The following CCDC187 variants were observed in gnomAD, a reference collection of about 807,000 sequenced individuals.
CCDC187 encodes coiled-coil domain containing 187.
In CCDC187, 32 loss-of-function variants were observed where a neutral mutation model predicts 38.0. That is an observed-to-expected ratio of 0.84 (90% CI 0.64 to 1.13). The LOEUF (loss-of-function observed/expected upper bound fraction) is 1.13, where lower values mean the gene tolerates loss of function less well. CCDC187 is among the 50% of genes most tolerant of loss of function. The pLI, the probability that CCDC187 is intolerant of heterozygous loss-of-function variation, is 0.00. For missense variants in CCDC187, 707 were observed against 786.8 expected (o/e 0.90, Z 1.21); for synonymous variants, 333 against 347.9 (o/e 0.96, Z 0.48).
rs782656681 is a variant in CCDC187, at chr9:136,263,721, G to A, written c.3813C>T (p.Asp1271=). ...DRKLLLQHQR[D]VVSMPGPVDI... is the part of the protein sequence containing the mutation. ...CCACAGGCCCCGGCATGGAGACGAC[G>A]TCCCTCTGATGCTGCAGAAGCAGCT... Residue 1271 remains aspartate (D), a synonymous_variant, in exon 18 of 26, where the codon GAC becomes GAT. Transcript: ENST00000638797. 1.4e-4 allele frequency: 140 copies of A among 985,354 alleles called. No homozygotes were observed. Among genetic ancestry groups the A allele is most frequent in the African/African-American group, 7.9e-4 (45 of 57,254 alleles). The allele number at this position is 985,354 out of a possible 1,614,324, so 61.0% of individuals were successfully genotyped here.
chr9:136,283,255 A>AAAAAC lies in CCDC187; in HGVS notation c.2928-1597_2928-1593dup, dbSNP rs1291121000. Among the ~76,000 whole-genome samples, 606 of 152,314 alleles carry AAAAAC rather than the reference A, an allele frequency of 4.0e-3. 6 individuals carry two copies. Among genetic ancestry groups the AAAAAC allele is most frequent in the South Asian group, 0.021 (99 of 4,824 alleles). ...CAGAGCAAGACTCCATCTCAAAAATAAAAACAAAACAAAACAAAAAAGAAA... is the reference window on the plus strand; with the variant it reads ...CAGAGCAAGACTCCATCTCAAAAATAAAAACAAAACAAAACAAAACAAAAAAGAAA... On this transcript the variant is annotated intron_variant, in intron 9 of 25. Transcript: ENST00000638797.
intron 8 of CCDC187, 71 bp downstream of exon 8, chr9:136,286,014 G>T (rs979880552): frequency 7.0e-5 from 28 of 397,618 alleles, no homozygotes; most frequent in Non-Finnish European, 1.2e-4. Flanking sequence ...AGAAAATGGG[G>T]TCCCCATTCC....
In CCDC187 at chr9:136,290,485, C is replaced by T. The variant is rs1261594806; in HGVS notation, c.2127+1G>A. 1 of 398,456 alleles carries T rather than the reference C, an allele frequency of 2.5e-6. No homozygotes were observed. Among genetic ancestry groups the T allele is most frequent in the Non-Finnish European group, 4.4e-6 (1 of 225,982 alleles). 24.7% of individuals were successfully genotyped at this position (398,456 alleles called of 1,614,324 possible). A position where few individuals can be genotyped will look rare whatever the true frequency, so the allele number is the denominator to read the frequency against. ...CCCCCCAACCCAACCCCAGCATGTACCCCGGACTGTGCAGAACTGGGGACA... is the reference window on the plus strand; with the variant it reads ...CCCCCCAACCCAACCCCAGCATGTATCCCGGACTGTGCAGAACTGGGGACA... On this transcript the variant is annotated splice_donor_variant, in intron 6 of 25. Transcript: ENST00000638797. LOFTEE classifies it high-confidence loss of function.
intron 17 of CCDC187, among the ~76,000 whole-genome samples, chr9:136,265,321 G>A (rs1472219936): frequency 1.3e-5 from 2 of 152,132 alleles, no homozygotes; most frequent in Non-Finnish European, 2.9e-5. Flanking sequence ...GCTTCCTCCA[G>A]TCCCTGGTGA....
intron 15 of CCDC187, chr9:136,267,814 C>A (rs1256827411): frequency 2.0e-6 from 2 of 980,060 alleles, no homozygotes; most frequent in African/African-American, 1.7e-5. Flanking sequence ...GGGGGCTAAC[C>A]CTGCCCAAAG....
At chr9:136,285,390 G>T in intron 9 of CCDC187, 123 bp downstream of exon 9, 1 of 342,328 alleles carries the variant, frequency 2.9e-6, no homozygotes, top group South Asian at 1.0e-4. Flanking sequence ...GGGGACACAT[G>T]GGGGTGAAGT....
At chr9:136,274,008 A>G (rs1279064497) in intron 14 of CCDC187, among the ~76,000 whole-genome samples, 1 of 152,208 alleles carries the variant, frequency 6.6e-6, no homozygotes, top group Non-Finnish European at 1.5e-5. Flanking sequence ...AGTCTGGACC[A>G]GGTTTCTGTG....
chr9:136,284,409 C>T (rs962745660), intron 9 of CCDC187, among the ~76,000 whole-genome samples: 4 of 152,182 alleles, frequency 2.6e-5, no homozygotes, highest in Admixed American at 6.5e-5. Context: ...GAGAGACCGC[C>T]GCCGGCCTGG....
chr9:136,282,008 C>T (rs975929765), intron 9 of CCDC187, among the ~76,000 whole-genome samples: 40 of 152,176 alleles, frequency 2.6e-4, no homozygotes, highest in Non-Finnish European at 4.6e-4. Flanking sequence ...GCTCTGCACT[C>T]GGACCCCAGG....
chr9:136,289,496 G>A lies in CCDC187; in HGVS notation c.2222+463C>T, dbSNP rs976825087. 5.7e-5 allele frequency among the ~76,000 whole-genome samples: 8 copies of A among 141,302 alleles called. No individual in the cohort carries two copies. In the East Asian group the frequency reaches 1.0e-3, roughly 18 times the overall value. 92.7% of individuals were successfully genotyped at this position (141,302 alleles called of 152,430 possible). A position where few individuals can be genotyped will look rare whatever the true frequency, so the allele number is the denominator to read the frequency against. ...ATCGTGCCATTGCGCTCCAGCCTGG[G>A]CAACAGAGCAAAACTCCATCTCAAA... is the stretch of plus-strand genomic sequence containing the variant. On this transcript the variant is annotated intron_variant, in intron 7 of 25. Transcript: ENST00000638797.
rs1554761578 is a variant in CCDC187 at position 136,266,058 on chromosome 9, C to G, written c.3648-15G>C. 1 of 985,026 alleles carries G rather than the reference C, an allele frequency of 1.0e-6. No homozygotes were observed. Among genetic ancestry groups the G allele is most frequent in the African/African-American group, 1.7e-5 (1 of 57,230 alleles). 61.0% of individuals were successfully genotyped at this position (985,026 alleles called of 1,614,324 possible). A position where few individuals can be genotyped will look rare whatever the true frequency, so the allele number is the denominator to read the frequency against. On this transcript the variant is annotated splice_polypyrimidine_tract_variant and intron_variant, in intron 16 of 25. Coordinates refer to ENST00000638797, the MANE Select transcript of CCDC187 (RefSeq NM_001378188.1). ...TGTCCAGGCACCTGGGGGGAGGTGG[C>G]AACATCACTGCCAATGTTGACAGCC... is the stretch of plus-strand genomic sequence containing the variant.
intron 2 of CCDC187, among the ~76,000 whole-genome samples, chr9:136,301,314 A>G (rs940884949): frequency 6.6e-6 from 1 of 151,614 alleles, no homozygotes; most frequent in Non-Finnish European, 1.5e-5. Context: ...CTGCCTTAAA[A>G]AAACAAAGTC....
intron 14 of CCDC187, among the ~76,000 whole-genome samples, chr9:136,270,113 T>C (rs1451337296): frequency 1.3e-5 from 2 of 152,234 alleles, no homozygotes; most frequent in Non-Finnish European, 2.9e-5. Flanking sequence ...AGTGGCCTAA[T>C]GTATGCGTAA....
intron 4 of CCDC187, among the ~76,000 whole-genome samples, chr9:136,293,235 G>GCTTACACA (rs1831391961): frequency 1.7e-5 from 2 of 116,810 alleles, no homozygotes; most frequent in Non-Finnish European, 3.6e-5. Flanking sequence ...ACACTCACAC[G>GCTTACACA]CTCACACTCA....
At chr9:136,283,127 T>C (rs1473553179) in intron 9 of CCDC187, among the ~76,000 whole-genome samples, 6 of 152,326 alleles carry the variant, frequency 3.9e-5, no homozygotes, top group Middle Eastern at 3.4e-3. Flanking sequence ...CGGGTGCCTG[T>C]AATCCCAGCT....
In CCDC187 at chr9:136,264,876, C is replaced by A. The variant is rs552076777; in HGVS notation, c.3736-1078G>T. On this transcript the variant is annotated intron_variant, in intron 17 of 25. Coordinates refer to ENST00000638797, the MANE Select transcript of CCDC187 (RefSeq NM_001378188.1). This position sits in a 1 kb window ranked among gnomAD's most constrained non-coding sequence, Gnocchi z 4.3. ...GCTCAAGCAATCCTCCCATCTCAGTCCACCAAATAGCTGGGACTATAGGCA... is the reference window on the plus strand; with the variant it reads ...GCTCAAGCAATCCTCCCATCTCAGTACACCAAATAGCTGGGACTATAGGCA... Among the ~76,000 whole-genome samples the A allele has an allele frequency of 6.6e-6, 1 of 152,252 alleles. No homozygotes were observed. The highest frequency in any genetic ancestry group is 2.1e-4 in the South Asian group (1 of 4,820).
chr9:136,293,182 C>T (rs1831384507), intron 4 of CCDC187, among the ~76,000 whole-genome samples: 1 of 108,466 alleles, frequency 9.2e-6, no homozygotes, highest in Non-Finnish European at 1.9e-5. Flanking sequence ...TGCTCACACA[C>T]ACTCACATGC....
rs1029103918 is a variant in CCDC187 at position 136,292,721 on chromosome 9, C to T, written c.833-426G>A. ...CAGCCCCACCCTCCGCTCCGTGCTG[C>T]ACATCGGGCTCCGCGCAGCACGGGA... On this transcript the variant is annotated intron_variant, in intron 4 of 25. Transcript: ENST00000638797. Among the ~76,000 whole-genome samples, 9 of 152,330 alleles carry T rather than the reference C, an allele frequency of 5.9e-5. 1 individual carries two copies. The East Asian group carries it at 1.5e-3, about 26-fold the overall frequency.
rs1830645053 is a variant in CCDC187, at chr9:136,258,713, C to T, written c.4366+219G>A. On this transcript the variant is annotated intron_variant, in intron 22 of 25. Transcript: ENST00000638797. This position sits in a 1 kb window ranked among gnomAD's most constrained non-coding sequence, Gnocchi z 4.3. ...CCCAGCCAGTTATGACTTTTAATTT[C>T]TCCAGAAGAGCCGCTGCGTCACCTC... 2.0e-6 allele frequency: 2 copies of T among 985,368 alleles called. No individual in the cohort carries two copies. Among genetic ancestry groups the T allele is most frequent in the Admixed American group, 1.2e-4 (2 of 16,272 alleles). The allele number at this position is 985,368 out of a possible 1,614,324, so 61.0% of individuals were successfully genotyped here. A position where few individuals can be genotyped will look rare whatever the true frequency, so the allele number is the denominator to read the frequency against.
Sources: gnomAD v4.1 joint callset for allele counts (sites outside exome capture counted in the v4.1 genomes callset) on GRCh38, gnomAD v4.1.1 for gene constraint, Gnocchi (gnomAD v3.1) non-coding constraint, MANE v1.5 for transcripts, NCBI Gene and HGNC (gene_info 2026-07-23, HGNC 2026-07-21) for gene names.